Variants in YEATS2 observed in about 807,000 individuals in gnomAD.
YEATS2 encodes the protein YEATS domain containing 2, also known as YEATS domain-containing protein 2.
Under a neutral mutation model 163.2 loss-of-function variants are expected in YEATS2, and 77 were observed. The observed-to-expected ratio is 0.47, with a 90% CI of 0.39 to 0.57. The LOEUF (loss-of-function observed/expected upper bound fraction) is 0.57. YEATS2 is among the 20% of genes least tolerant of loss of function. The probability of loss-of-function intolerance (pLI) is 0.00; values close to 1 mark genes in which losing one functional copy is unlikely to be tolerated. For missense variants in YEATS2, 1,549 were observed against 1,729.8 expected (o/e 0.90, Z 1.85); for synonymous variants, 631 against 645.1 (o/e 0.98, Z 0.33).
At chr3:183,708,249 C>T (rs1714826990) in intron 1 of YEATS2, among the ~76,000 whole-genome samples, 1 of 149,938 alleles carries the variant, frequency 6.7e-6, no homozygotes, top group Non-Finnish European at 1.5e-5. Flanking sequence ...GCAACCTCTG[C>T]CTCCTGGGTT....
Position 183,776,014 on chromosome 3 carries a change from CAGG to C in YEATS2, c.2482_2484del (p.Gly828del), listed in dbSNP as rs746451361. ...AGTGGCAGCGGTGGAGGCGGCAGCA[CAGG>C]AGGAGGAGGAGGAACAGCAGGAGGA... is the stretch of plus-strand genomic sequence containing the variant. On this transcript the variant is annotated inframe_deletion, in exon 18 of 31. Transcript: ENST00000305135. The C allele has an allele frequency of 4.0e-5, 64 of 1,592,808 alleles. No homozygotes were observed. The highest frequency in any genetic ancestry group is 3.4e-4 in the Middle Eastern group (2 of 5,888).
At chr3:183,754,707 A>G (rs941021583) in intron 11 of YEATS2, among the ~76,000 whole-genome samples, 1 of 152,194 alleles carries the variant, frequency 6.6e-6, no homozygotes, top group Admixed American at 6.5e-5. Flanking sequence ...GTGACTAGTG[A>G]TAGAAAAAAT....
rs189994088 is a variant in YEATS2 at position 183,700,602 on chromosome 3, T to C, written c.-20+2609T>C. On this transcript the variant is annotated intron_variant, in intron 1 of 30. Coordinates refer to ENST00000305135, the MANE Select transcript of YEATS2 (RefSeq NM_018023.5). ...TCTTTTTCTTTTCTTTTCTTTCTTT[T>C]TTTTTTTTTTTTTTGAGACAGAATC... Among the ~76,000 whole-genome samples the C allele has an allele frequency of 2.1e-3, 309 of 146,074 alleles. 1 individual carries two copies. The highest frequency in any genetic ancestry group is 6.9e-3 in the Middle Eastern group (2 of 288).
rs537697703 is a variant in YEATS2 at position 183,783,383 on chromosome 3, C to T, written c.2737-2742C>T. The stretch of plus-strand genomic sequence containing the variant: ...AACTACAGCCAAGGCTTCCTGTTTG[C>T]GTTGTTGCTGCTGTTTTTTATAATT... On this transcript the variant is annotated intron_variant, in intron 19 of 30. Transcript: ENST00000305135. Among the ~76,000 whole-genome samples the T allele has an allele frequency of 4.6e-5, 7 of 152,308 alleles. No individual in the cohort carries two copies. The East Asian group carries it at 7.7e-4, about 17-fold the overall frequency.
intron 1 of YEATS2, among the ~76,000 whole-genome samples, chr3:183,710,645 T>C (rs1410909893): frequency 2.7e-5 from 4 of 150,546 alleles, no homozygotes; most frequent in African/African-American, 2.4e-5. Flanking sequence ...CCCAAATTCC[T>C]CTCTTTTCTC....
chr3:183,730,371 G>T (rs527342800), intron 7 of YEATS2, among the ~76,000 whole-genome samples: 1 of 151,938 alleles, frequency 6.6e-6, no homozygotes, highest in African/African-American at 2.4e-5. Flanking sequence ...GGCCCATATT[G>T]ATTGTATAAA....
chr3:183,754,488 A>C lies in YEATS2; in HGVS notation c.1390+123A>C. The C allele has an allele frequency of 6.0e-6, 8 of 1,334,958 alleles. No individual in the cohort carries two copies. In the South Asian group the frequency reaches 7.5e-5, roughly 13 times the overall value. 82.7% of individuals were successfully genotyped at this position (1,334,958 alleles called of 1,614,324 possible). ...TCTTCTAAGCAGTGTTATGTTTAAC[A>C]AAAGGAAGTTTATCACTGTTGATTG... is the stretch of plus-strand genomic sequence containing the variant. On this transcript the variant is annotated intron_variant, in intron 11 of 30. Transcript: ENST00000305135.
chr3:183,776,251 A>G (rs112601823), intron 18 of YEATS2, 128 bp downstream of exon 18: 8 of 994,890 alleles, frequency 8.0e-6, no homozygotes, highest in African/African-American at 3.3e-5. Flanking sequence ...TGTTATCTAT[A>G]TCTATATCTT....
At position 183,701,051 on chromosome 3, in the gene YEATS2, A is replaced by ATGTG. The variant is rs141939254; in HGVS notation, c.-20+3076_-20+3079dup. 3.7e-3 allele frequency among the ~76,000 whole-genome samples: 542 copies of ATGTG among 147,510 alleles called. 4 individuals carry two copies. Among genetic ancestry groups the ATGTG allele is most frequent in the South Asian group, 0.02 (95 of 4,692 alleles). ...TTTTAACTGGTGTGTGTATATATAT[A>ATGTG]TGTGTGTGTGTGTGTGTGTGTATAT... On this transcript the variant is annotated intron_variant, in intron 1 of 30. Transcript: ENST00000305135.
chr3:183,747,451 A>G (rs1443393759), intron 8 of YEATS2, among the ~76,000 whole-genome samples: 2 of 152,064 alleles, frequency 1.3e-5, no homozygotes, highest in Admixed American at 6.5e-5. Flanking sequence ...AGGTTTTTTA[A>G]AATTATAATT....
intron 8 of YEATS2, among the ~76,000 whole-genome samples, chr3:183,744,967 C>G (rs1010803235): frequency 1.3e-5 from 2 of 152,144 alleles, no homozygotes; most frequent in Non-Finnish European, 2.9e-5. Flanking sequence ...TCTCCTGCCT[C>G]AGCCTCCCAA....
intron 1 of YEATS2, among the ~76,000 whole-genome samples, chr3:183,706,089 C>T (rs1423277140): frequency 2.6e-5 from 4 of 151,522 alleles, no homozygotes; most frequent in African/African-American, 9.7e-5. Context: ...ATATTGAGCA[C>T]TTCCAGGAAC....
intron 10 of YEATS2, 74 bp downstream of exon 10, chr3:183,752,327 T>C (rs1720257357): frequency 1.9e-6 from 3 of 1,552,392 alleles, no homozygotes; most frequent in Non-Finnish European, 2.7e-6. Flanking sequence ...CAGAGACCTA[T>C]AGTATATGGA....
At position 183,724,509 on chromosome 3, in the gene YEATS2, A is replaced by C. The variant is rs763318641; in HGVS notation, c.628A>C (p.Ile210Leu). Reference protein sequence around the residue: ...ETSRLFVKKTIVVGNVSKYIP... With the variant: ...ETSRLFVKKTLVVGNVSKYIP... Reference sequence around the variant, plus strand: ...TTCACGACTTTTTGTAAAGAAAACAATAGTAGTGGGCAATGTGTCCAAGTG... The same window carrying C: ...TTCACGACTTTTTGTAAAGAAAACACTAGTAGTGGGCAATGTGTCCAAGTG... Residue 210 changes from isoleucine (I) to leucine (L), a missense_variant, in exon 6 of 31, where the codon ATA (isoleucine) becomes CTA (leucine). Ile to Leu is a conservative substitution (Grantham distance 5). Coordinates refer to ENST00000305135, the MANE Select transcript of YEATS2 (RefSeq NM_018023.5). 6.2e-7 allele frequency: 1 copy of C among 1,612,642 alleles called. No homozygotes were observed. Among genetic ancestry groups the C allele is most frequent in the Non-Finnish European group, 8.5e-7 (1 of 1,178,930 alleles).
intron 8 of YEATS2, among the ~76,000 whole-genome samples, chr3:183,738,416 T>A (rs984862348): frequency 8.5e-5 from 12 of 141,992 alleles, no homozygotes; most frequent in South Asian, 2.2e-4. Flanking sequence ...TTTTTTTTTT[T>A]AATACTTTAA....
chr3:183,762,035 A>T, intron 14 of YEATS2, 62 bp from the exon 15 acceptor site: 2 of 1,603,162 alleles, frequency 1.2e-6, no homozygotes, highest in Admixed American at 3.3e-5. Flanking sequence ...GTCAGATATT[A>T]GCAGCTTTAT....
intron 1 of YEATS2, among the ~76,000 whole-genome samples, chr3:183,713,946 A>G (rs992832567): frequency 7.2e-5 from 11 of 151,812 alleles, no homozygotes; most frequent in Non-Finnish European, 1.6e-4. Flanking sequence ...CTGGGACTGC[A>G]GGTGCCCACC....
At chr3:183,718,672 C>A in intron 4 of YEATS2, 80 bp downstream of exon 4, 1 of 1,083,530 alleles carries the variant, frequency 9.2e-7, no homozygotes, top group African/African-American at 1.6e-5. Flanking sequence ...TATGGAATCC[C>A]TGCATCTGAA....
intron 3 of YEATS2, 86 bp from the exon 4 acceptor site, chr3:183,718,408 TCACTCA>T: frequency 1.1e-6 from 1 of 905,982 alleles, no homozygotes; most frequent in African/African-American, 1.7e-5. Context: ...CTTTTTTTTT[TCACTCA>T]TTCACGTTTC....
Sources: allele counts gnomAD v4.1 joint callset (sites outside exome capture counted in the v4.1 genomes callset), GRCh38; gene constraint gnomAD v4.1.1; transcripts MANE v1.5; gene names NCBI Gene and HGNC (gene_info 2026-07-23, HGNC 2026-07-21).